SLC4A11: variants seen among roughly 807,000 people sequenced by gnomAD.
SLC4A11 encodes the protein bicarbonate transporter related protein 1.
A neutral mutation model predicts 95.0 loss-of-function variants in SLC4A11; 74 were observed. The observed-to-expected ratio is 0.78, with a 90% CI of 0.65 to 0.95. The LOEUF is 0.95. Ranked by LOEUF, SLC4A11 falls within the 40% of genes least tolerant of loss-of-function variation. SLC4A11 has a pLI of 0.00. For missense variants in SLC4A11, 1,081 were observed against 1,192.4 expected, an observed-to-expected ratio of 0.91 and a Z score of 1.38; for synonymous variants, 548 against 519.0, an observed-to-expected ratio of 1.06 and a Z score of -0.76.
At chr20:3,237,626 C>G in intron 1 of SLC4A11, 38 bp from the exon 2 acceptor site, 1 of 1,614,050 alleles carries the variant, frequency 6.2e-7, no homozygotes, top group Non-Finnish European at 8.5e-7. Flanking sequence ...CCCCATGGAC[C>G]AAGCCCTGGA....
intron 2 of SLC4A11, among the ~76,000 whole-genome samples, chr20:3,235,307 T>TCACACACA (rs1425800280): frequency 6.7e-4 from 74 of 110,956 alleles, no homozygotes; most frequent in Non-Finnish European, 1.1e-3. Context: ...TCTCTCTCTC[T>TCACACACA]CTCACACACA....
chr20:3,233,397 A>T, intron 7 of SLC4A11, 117 bp downstream of exon 7: 1 of 1,487,952 alleles, frequency 6.7e-7, no homozygotes, highest in Non-Finnish European at 9.2e-7. Flanking sequence ...GGCCGAGGCG[A>T]AGGGGAGGGT....
chr20:3,233,212 G>A (rs1479175750), intron 7 of SLC4A11, among the ~76,000 whole-genome samples: 1 of 152,218 alleles, frequency 6.6e-6, no homozygotes, highest in East Asian at 1.9e-4. Flanking sequence ...AAATCGCAAA[G>A]TCAACCAAGT....
Position 3,228,537 on chromosome 20 carries a change from C to T in SLC4A11, c.2363G>A (p.Arg788His), listed in dbSNP as rs766567944. 12 of 1,612,986 alleles carry T rather than the reference C, an allele frequency of 7.4e-6. No individual in the cohort carries two copies. Among genetic ancestry groups the T allele is most frequent in the Admixed American group, 1.7e-5 (1 of 59,990 alleles). ...TSLDGNQLVQRVALLLKEQTA... is the reference protein window; with the variant it reads ...TSLDGNQLVQHVALLLKEQTA... ...CTGCTCCTTGAGCAGCAGGGCCACG[C>T]GCTGGACGAGCTGGTTGCCATCGAG... The change falls in exon 18 of 20, where the codon CGC becomes CAC. Residue 788 changes from arginine (R) to histidine (H), a missense_variant. This residue lies in a region of SLC4A11 where 767 missense variants were observed against 858.0 expected (regional missense o/e 0.89). Coordinates refer to ENST00000642402, the MANE Select transcript of SLC4A11 (RefSeq NM_001174089.2).
chr20:3,239,189 C>A lies in SLC4A11; in HGVS notation c.-52G>T. 7.1e-7 allele frequency: 1 copy of A among 1,399,348 alleles called. No homozygotes were observed. The highest frequency in any genetic ancestry group is 1.5e-5 in the South Asian group (1 of 65,780). The allele number at this position is 1,399,348 out of a possible 1,614,324, so 86.7% of individuals were successfully genotyped here. ...CTCCTCACGCGGCGCTCCGGCGCTT[C>A]TGGACCCCAAACTCGGCGACTCGGG... On this transcript the variant is annotated 5_prime_UTR_variant, in exon 1 of 20. Coordinates refer to ENST00000642402, the MANE Select transcript of SLC4A11 (RefSeq NM_001174089.2).
Position 3,231,847 on chromosome 20 carries a change from G to T in SLC4A11, c.730-299C>A, listed in dbSNP as rs1404163421. On this transcript the variant is annotated intron_variant, in intron 7 of 19. Transcript: ENST00000642402. The surrounding 1 kb of genome is among the most constrained non-coding windows in gnomAD (Gnocchi z 5.2). ...TTAATTTTTAACTTTTTGTAGAGAC[G>T]AGGTCTCACTATGTTGACCAGGCTG... 6.6e-6 allele frequency among the ~76,000 whole-genome samples: 1 copy of T among 152,044 alleles called. No homozygotes were observed. The highest frequency in any genetic ancestry group is 1.5e-5 in the Non-Finnish European group (1 of 68,012).
At chr20:3,237,926 C>A in intron 1 of SLC4A11, 1 of 1,550,626 alleles carries the variant, frequency 6.4e-7, no homozygotes, top group South Asian at 1.2e-5. Context: ...CTGAGAAAAC[C>A]CTGCCCCGCT....
Position 3,228,846 on chromosome 20 carries a change from G to C in SLC4A11, c.2184C>G (p.Ile728Met). The change falls in exon 17 of 20, where the codon ATC becomes ATG. Residue 728 changes from isoleucine (I) to methionine (M), a missense_variant. Transcript: ENST00000642402. ...GCCAGCCTCACACTCACGTGTCATA[G>C]ATGTGTCCGTTCTCCACACGCTCCT... ...LVEERVENGHIYDTIVNVKET... is the reference protein window; with the variant it reads ...LVEERVENGHMYDTIVNVKET... The C allele has an allele frequency of 1.2e-6, 2 of 1,613,834 alleles. No individual in the cohort carries two copies. The highest frequency in any genetic ancestry group is 2.2e-5 in the South Asian group (2 of 91,090).
In SLC4A11 at chr20:3,234,425, CCAGCCCT is replaced by C. The variant is rs1202734189; in HGVS notation, c.292-118_292-112del. On this transcript the variant is annotated intron_variant, in intron 4 of 19. Transcript: ENST00000642402. The surrounding 1 kb of genome is among the most constrained non-coding windows in gnomAD (Gnocchi z 5.8). ...CAGTCCAGCCCCCAGCCCCCAGCCCCCAGCCCTGGGCTGGTGCGAGCTCCCTGTTGAG... is the reference window on the plus strand; with the variant it reads ...CAGTCCAGCCCCCAGCCCCCAGCCCCGGGCTGGTGCGAGCTCCCTGTTGAG... 7.9e-6 allele frequency: 12 copies of C among 1,510,112 alleles called. No individual in the cohort carries two copies. The highest frequency in any genetic ancestry group is 6.9e-5 in the African/African-American group (5 of 72,322). The allele number at this position is 1,510,112 out of a possible 1,614,324, so 93.5% of individuals were successfully genotyped here. A position where few individuals can be genotyped will look rare whatever the true frequency, so the allele number is the denominator to read the frequency against.
intron 2 of SLC4A11, among the ~76,000 whole-genome samples, chr20:3,235,887 G>A (rs910385524): frequency 1.3e-5 from 2 of 151,990 alleles, no homozygotes; most frequent in Admixed American, 6.6e-5. Context: ...TCCCTGGAGG[G>A]CCTTTTTCAA....
intron 1 of SLC4A11, chr20:3,238,327 T>C: frequency 2.0e-6 from 2 of 985,336 alleles, no homozygotes; most frequent in Non-Finnish European, 2.4e-6. Flanking sequence ...AGGGGCCGCG[T>C]GCACGAGAGG....
At chr20:3,238,183 A>T (rs2068048498) in intron 1 of SLC4A11, 1 of 1,435,250 alleles carries the variant, frequency 7.0e-7, no homozygotes. Flanking sequence ...CCGTTGGTCC[A>T]AAAGGGAGAA....
Position 3,239,094 on chromosome 20 carries a change from C to G in SLC4A11, c.43+1G>C. The G allele has an allele frequency of 6.8e-7, 1 of 1,477,580 alleles. No individual in the cohort carries two copies. The allele number at this position is 1,477,580 out of a possible 1,614,324, so 91.5% of individuals were successfully genotyped here. A position where few individuals can be genotyped will look rare whatever the true frequency, so the allele number is the denominator to read the frequency against. On this transcript the variant is annotated splice_donor_variant, in intron 1 of 19. Coordinates refer to ENST00000642402, the MANE Select transcript of SLC4A11 (RefSeq NM_001174089.2). LOFTEE classifies it high-confidence loss of function. The stretch of plus-strand genomic sequence containing the variant: ...CCGCGCCCCCGGGTTCAGGCACCCA[C>G]CGCACGGCTGCAGATGGAACACGCG...
In SLC4A11 at chr20:3,234,091, C is replaced by T. The variant is rs149016022; in HGVS notation, c.515G>A (p.Arg172Gln). ...CGGGAGACCGGCCTCACCTTTACCC[C>T]GCATGGGTGCCCCGGCATCGGTGAA... Reference protein sequence around the residue: ...MLFTDAGAPMRGKVHLLSDTI... With the variant: ...MLFTDAGAPMQGKVHLLSDTI... Residue 172 changes from arginine (R) to glutamine (Q), a missense_variant, in exon 5 of 20, where the codon CGG becomes CAG. Physicochemically the swap from Arg to Gln is conservative, Grantham distance 43 (BLOSUM62 1). Transcript: ENST00000642402. The surrounding 1 kb of genome is among the most constrained non-coding windows in gnomAD (Gnocchi z 5.8). The T allele has an allele frequency of 1.1e-3, 1,728 of 1,613,946 alleles. 1 individual carries two copies. Among genetic ancestry groups the T allele is most frequent in the Non-Finnish European group, 1.4e-3 (1,612 of 1,180,006 alleles).
chr20:3,238,099 C>T (rs1457374131), intron 1 of SLC4A11: 1 of 1,463,722 alleles, frequency 6.8e-7, no homozygotes, highest in Non-Finnish European at 9.1e-7. Context: ...CGTCACGCGC[C>T]CCGGGTCACA....
In SLC4A11 at chr20:3,237,544, T is replaced by C. The variant is rs2068020565; in HGVS notation, c.88A>G (p.Ser30Gly). Residue 30 changes from serine to glycine, a missense_variant and splice_region_variant, in exon 2 of 20, where the codon AGC becomes GGC. Physicochemically the swap from Ser to Gly is moderately conservative, Grantham distance 56 (BLOSUM62 0). Around this residue, in one of 3 missense-constraint regions of SLC4A11, gnomAD observed 310 missense variants for 313.5 expected, o/e 0.99. Transcript: ENST00000642402. ...CACACACTCCCCGAGAGGTACTCAC[T>C]TGAATCCTCGAAGTATCCATTCTGC... ...MSQNGYFEDS[S>G]YYKCDTDDTF... 5.0e-6 allele frequency: 8 copies of C among 1,613,922 alleles called. No homozygotes were observed. The highest frequency in any genetic ancestry group is 6.8e-6 in the Non-Finnish European group (8 of 1,179,982).
intron 7 of SLC4A11, among the ~76,000 whole-genome samples, chr20:3,232,855 C>T (rs1043759732): frequency 6.6e-6 from 1 of 152,238 alleles, no homozygotes; most frequent in African/African-American, 2.4e-5. Context: ...GCTATTGCTC[C>T]TTCTGTGTGG....
At position 3,228,555 on chromosome 20, in the gene SLC4A11, C is replaced by G; in HGVS notation, c.2345G>C (p.Gly782Ala). ...FLYIALTSLD[G>A]NQLVQRVALL... Reference sequence around the variant, plus strand: ...GGCCACGCGCTGGACGAGCTGGTTGCCATCGAGGGAGGTGAGCGCGATGTA... The same window carrying G: ...GGCCACGCGCTGGACGAGCTGGTTGGCATCGAGGGAGGTGAGCGCGATGTA... Residue 782 changes from glycine (G) to alanine (A), a missense_variant, in exon 18 of 20, where the codon GGC becomes GCC. Coordinates refer to ENST00000642402, the MANE Select transcript of SLC4A11 (RefSeq NM_001174089.2). 6.2e-7 allele frequency: 1 copy of G among 1,613,174 alleles called. No homozygotes were observed. Among genetic ancestry groups the G allele is most frequent in the Non-Finnish European group, 8.5e-7 (1 of 1,179,958 alleles).
In SLC4A11 at chr20:3,228,761, C is replaced by T. The variant is rs1036834224; in HGVS notation, c.2193-54G>A. On this transcript the variant is annotated intron_variant, in intron 17 of 19. Transcript: ENST00000642402. ...CTCTGCGCCCCTGTCCACAGGGCCTCACTCCTCCCTATGTCCCATGTGGCC... is the reference window on the plus strand; with the variant it reads ...CTCTGCGCCCCTGTCCACAGGGCCTTACTCCTCCCTATGTCCCATGTGGCC... 12 of 1,612,388 alleles carry T rather than the reference C, an allele frequency of 7.4e-6. No individual in the cohort carries two copies. In the African/African-American group the frequency reaches 1.6e-4, roughly 22 times the overall value.
Sources: allele counts gnomAD v4.1 joint callset (sites outside exome capture counted in the v4.1 genomes callset), GRCh38; gene constraint gnomAD v4.1.1; regional missense constraint gnomAD v4.1.1; non-coding constraint Gnocchi (gnomAD v3.1); transcripts MANE v1.5; gene names NCBI Gene and HGNC (gene_info 2026-07-23, HGNC 2026-07-21).